FRYL: variants seen among roughly 807,000 people sequenced by gnomAD.
The protein encoded by FRYL is protein furry homolog-like.
FRYL carries 150 observed loss-of-function variants against 351.2 expected under a neutral mutation model. The observed-to-expected ratio is 0.43, with a 90% CI of 0.37 to 0.49. The LOEUF is 0.49. Ranked by LOEUF, FRYL falls within the 20% of genes least tolerant of loss-of-function variation. The probability of loss-of-function intolerance (pLI) is 0.00; values close to 1 mark genes in which losing one functional copy is unlikely to be tolerated. For synonymous variants in FRYL, 1,153 were observed against 1,257.1 expected (o/e 0.92, Z 1.75); for missense variants, 3,036 against 3,619.3 (o/e 0.84, Z 4.13).
chr4:48,529,937 A>C (rs1727158558), intron 50 of FRYL, among the ~76,000 whole-genome samples: 1 of 152,152 alleles, frequency 6.6e-6, no homozygotes, highest in African/African-American at 2.4e-5. Context: ...TAGTCCTAAA[A>C]TATCCAGTTT....
intron 36 of FRYL, among the ~76,000 whole-genome samples, 167 bp from the exon 37 acceptor site, chr4:48,551,745 A>G (rs1266764556): frequency 6.6e-6 from 1 of 152,246 alleles, no homozygotes; most frequent in East Asian, 1.9e-4. Context: ...ACATAAGACA[A>G]ACAAATTTTT....
At chr4:48,629,124 T>C (rs1449816282) in intron 4 of FRYL, among the ~76,000 whole-genome samples, 1 of 151,720 alleles carries the variant, frequency 6.6e-6, no homozygotes, top group Non-Finnish European at 1.5e-5. Context: ...CAATCCTATA[T>C]TTTATAATTT....
In FRYL at chr4:48,535,769, T is replaced by C. The variant is rs569739712; in HGVS notation, c.6452A>G (p.Tyr2151Cys). The C allele has an allele frequency of 6.3e-7, 1 of 1,589,056 alleles. No homozygotes were observed. Among genetic ancestry groups the C allele is most frequent in the Non-Finnish European group, 8.6e-7 (1 of 1,165,458 alleles). Residue 2151 changes from tyrosine to cysteine, a missense_variant, in exon 48 of 64, where the codon TAC becomes TGC. Transcript: ENST00000358350. ...GTCTCTGGAATACGTGTGTGTACTG[T>C]ACAAACTCATCATGTGTGCCAGATT... ...LVNLAHMMSL[Y>C]STHTYSRDCS...
chr4:48,543,822 T>C lies in FRYL; in HGVS notation c.5577A>G (p.Pro1859=). ...AAGGAAATACCTGTGCATCTTCTCC[T>C]GGATCCCCTACAGTTTCTACAAGTC... ...LSRLVETVGD[P]GEDAQGFVIE... The change falls in exon 44 of 64, where the codon CCA becomes CCG. Residue 1859 remains proline (P), a synonymous_variant. Transcript: ENST00000358350. 1 of 1,613,418 alleles carries C rather than the reference T, an allele frequency of 6.2e-7. No individual in the cohort carries two copies. Among genetic ancestry groups the C allele is most frequent in the Non-Finnish European group, 8.5e-7 (1 of 1,179,622 alleles).
intron 16 of FRYL, among the ~76,000 whole-genome samples, chr4:48,593,596 TCAGGTGATCTGCCC>T (rs1578262674): frequency 1.3e-5 from 2 of 151,570 alleles, no homozygotes; most frequent in Non-Finnish European, 2.9e-5. Context: ...TCTGCCAGCC[TCAGGTGATCTGCCC>T]GCCTCAGCCT....
intron 1 of FRYL, among the ~76,000 whole-genome samples, chr4:48,721,076 A>G (rs746366901): frequency 6.6e-6 from 1 of 152,240 alleles, no homozygotes; most frequent in Non-Finnish European, 1.5e-5. Context: ...AAGGTCCAGA[A>G]GAATATACAA....
At chr4:48,632,903 C>G (rs1291300009) in intron 4 of FRYL, among the ~76,000 whole-genome samples, 2 of 152,126 alleles carry the variant, frequency 1.3e-5, no homozygotes, top group Admixed American at 1.3e-4. Flanking sequence ...GTTTTCCTCT[C>G]TCATCCTTCT....
At position 48,589,882 on chromosome 4, in the gene FRYL, G is replaced by A. The variant is rs1464748839; in HGVS notation, c.1508-5C>T. On this transcript the variant is annotated splice_polypyrimidine_tract_variant and splice_region_variant and intron_variant, in intron 17 of 63. Transcript: ENST00000358350. ...GAGGATAGTAAACTGACATTCCTAGGGGAAAAAACTTCACAGTTATAAAAT... is the reference window on the plus strand; with the variant it reads ...GAGGATAGTAAACTGACATTCCTAGAGGAAAAAACTTCACAGTTATAAAAT... 3.1e-6 allele frequency: 5 copies of A among 1,604,036 alleles called. No homozygotes were observed. Among genetic ancestry groups the A allele is most frequent in the African/African-American group, 1.3e-5 (1 of 74,474 alleles).
intron 53 of FRYL, among the ~76,000 whole-genome samples, chr4:48,525,196 T>TATACAC (rs759279145): frequency 2.9e-4 from 38 of 133,072 alleles, no homozygotes; most frequent in African/African-American, 8.7e-4. Flanking sequence ...TATATATATA[T>TATACAC]ACACACACTT....
Position 48,546,176 on chromosome 4 carries a change from T to TTCCGATCTAGTATCCTAAGTCTAGTA in FRYL, c.5169_5170insTACTAGACTTAGGATACTAGATCGGA (p.Asn1724TyrfsTer2). The TTCCGATCTAGTATCCTAAGTCTAGTA allele has an allele frequency of 6.2e-7, 1 of 1,613,766 alleles. No homozygotes were observed. Among genetic ancestry groups the TTCCGATCTAGTATCCTAAGTCTAGTA allele is most frequent in the Non-Finnish European group, 8.5e-7 (1 of 1,179,828 alleles). On this transcript the variant is annotated stop_gained and frameshift_variant, in exon 42 of 64. Coordinates refer to ENST00000358350, the MANE Select transcript of FRYL (RefSeq NM_015030.2). LOFTEE classifies it high-confidence loss of function. ...AGATGTGAAATGGCAGCACTGTTAT[T>TTCCGATCTAGTATCCTAAGTCTAGTA]TCCTAAGCTGATACTAGAAGAGGTA...
intron 1 of FRYL, among the ~76,000 whole-genome samples, chr4:48,761,901 T>C (rs1378541299): frequency 6.6e-6 from 1 of 152,220 alleles, no homozygotes; most frequent in Non-Finnish European, 1.5e-5. Context: ...TCTCAGAATG[T>C]ATCCCCATTG....
rs1035167241 is a variant in FRYL, at chr4:48,760,167, C to CT, written c.-384+19910dup. On this transcript the variant is annotated intron_variant, in intron 1 of 63. Transcript: ENST00000358350. ...CATCAGTCTATTTCTGAAGCCCTCACTTTTTTTTTTTTGAGATGGAGTCTC... is the reference window on the plus strand; with the variant it reads ...CATCAGTCTATTTCTGAAGCCCTCACTTTTTTTTTTTTTGAGATGGAGTCTC... Among the ~76,000 whole-genome samples, 158 of 145,972 alleles carry CT rather than the reference C, an allele frequency of 1.1e-3. 2 individuals are homozygous for CT. Among genetic ancestry groups the CT allele is most frequent in the African/African-American group, 1.9e-3 (75 of 40,158 alleles).
rs1270099265 is a variant in FRYL, at chr4:48,754,658, TTTTTTTGGGG to T, written c.-384+25410_-384+25419del. On this transcript the variant is annotated intron_variant, in intron 1 of 63. Coordinates refer to ENST00000358350, the MANE Select transcript of FRYL (RefSeq NM_015030.2). ...CATTCACACTTGTGATTTTCTGGGG[TTTTTTTGGGG>T]TTTTTTTTTTTTTTTTTAAATGAGA... 9.2e-5 allele frequency among the ~76,000 whole-genome samples: 7 copies of T among 75,908 alleles called. No homozygotes were observed. The East Asian group carries it at 2.0e-3, about 22-fold the overall frequency. The allele number at this position is 75,908 out of a possible 152,430, so 49.8% of individuals were successfully genotyped here.
At chr4:48,543,230 A>G (rs1198820823) in intron 44 of FRYL, among the ~76,000 whole-genome samples, 1 of 152,232 alleles carries the variant, frequency 6.6e-6, no homozygotes, top group African/African-American at 2.4e-5. Context: ...TATCATATGT[A>G]AAACAATTCC....
chr4:48,681,051 A>G (rs1764529451), intron 3 of FRYL: 1 of 1,286,304 alleles, frequency 7.8e-7, no homozygotes, highest in Non-Finnish European at 1.0e-6. Context: ...ATCTTGGGGA[A>G]CTTTCCTCAG....
At chr4:48,586,416 G>T (rs987947037) in intron 19 of FRYL, among the ~76,000 whole-genome samples, 1 of 151,818 alleles carries the variant, frequency 6.6e-6, no homozygotes, top group Non-Finnish European at 1.5e-5. Flanking sequence ...GAATCTAGAA[G>T]AATTTGAGAA....
chr4:48,594,960 G>A (rs926584934), intron 15 of FRYL, among the ~76,000 whole-genome samples: 1 of 146,306 alleles, frequency 6.8e-6, no homozygotes, highest in Non-Finnish European at 1.5e-5. Context: ...CAAAAAGCTT[G>A]AGGATATAAT....
chr4:48,674,704 T>C (rs1199929224), intron 3 of FRYL, among the ~76,000 whole-genome samples: 1 of 110,020 alleles, frequency 9.1e-6, no homozygotes, highest in Non-Finnish European at 1.7e-5. Flanking sequence ...TCCACTGCAC[T>C]CCAGCCAGGG....
intron 27 of FRYL, among the ~76,000 whole-genome samples, chr4:48,568,307 C>T (rs762846869): frequency 2.3e-4 from 35 of 152,128 alleles, no homozygotes; most frequent in Admixed American, 5.2e-4. Flanking sequence ...TCTATGTCTG[C>T]GCCTGGCAAC....
Sources: gnomAD v4.1 joint callset for allele counts (sites outside exome capture counted in the v4.1 genomes callset) on GRCh38, gnomAD v4.1.1 for gene constraint, MANE v1.5 for transcripts, NCBI Gene and HGNC (gene_info 2026-07-23, HGNC 2026-07-21) for gene names.